The following ZCCHC7 variants were observed in gnomAD, a reference collection of about 807,000 sequenced individuals.
ZCCHC7 encodes the protein zinc finger CCHC domain-containing protein 7.
A neutral mutation model predicts 52.0 loss-of-function variants in ZCCHC7; 35 were observed. The observed-to-expected ratio is 0.67, with a 90% CI of 0.51 to 0.89. The LOEUF is 0.89. Ranked by LOEUF, ZCCHC7 falls within the 40% of genes least tolerant of loss-of-function variation. ZCCHC7 has a pLI of 0.00. For synonymous variants in ZCCHC7, 217 were observed against 221.5 expected (o/e 0.98, Z 0.18); for missense variants, 574 against 649.1 (o/e 0.88, Z 1.26).
chr9:37,347,227 TTA>T (rs1210479397), intron 6 of ZCCHC7, among the ~76,000 whole-genome samples: 2 of 152,182 alleles, frequency 1.3e-5, no homozygotes, highest in African/African-American at 4.8e-5. Flanking sequence ...TCCATCTCCA[TTA>T]TCTTTCCCAG....
intron 2 of ZCCHC7, among the ~76,000 whole-genome samples, chr9:37,252,668 G>A (rs1363685695): frequency 2.0e-5 from 3 of 152,232 alleles, no homozygotes; most frequent in African/African-American, 7.2e-5. Context: ...GCAAATTATT[G>A]TTTTAACTTA....
chr9:37,347,531 A>C lies in ZCCHC7; in HGVS notation c.988-1826A>C, dbSNP rs1034094757. Among the ~76,000 whole-genome samples, 50 of 152,244 alleles carry C rather than the reference A, an allele frequency of 3.3e-4. 1 individual carries two copies. Among genetic ancestry groups the C allele is most frequent in the Non-Finnish European group, 1.5e-5 (1 of 68,046 alleles). ...GTGCAAAAGAATAAATTAGTTATGT[A>C]ATACACACACAAGTTAACTATCGCC... On this transcript the variant is annotated intron_variant, in intron 6 of 8. Transcript: ENST00000336755.
chr9:37,228,023 C>T (rs879308604), intron 2 of ZCCHC7, among the ~76,000 whole-genome samples: 3 of 152,122 alleles, frequency 2.0e-5, no homozygotes, highest in Non-Finnish European at 4.4e-5. Context: ...TCTCAAATTC[C>T]TGGCCTCAAG....
At chr9:37,159,234 T>G (rs1483264075) in intron 2 of ZCCHC7, among the ~76,000 whole-genome samples, 2 of 152,224 alleles carry the variant, frequency 1.3e-5, no homozygotes, top group African/African-American at 4.8e-5. Context: ...AAATTCAGAA[T>G]TCAACTACAG....
chr9:37,280,807 C>T (rs1015526513), intron 2 of ZCCHC7, among the ~76,000 whole-genome samples: 2 of 151,914 alleles, frequency 1.3e-5, no homozygotes, highest in African/African-American at 4.8e-5. Flanking sequence ...CTTGCTTTGT[C>T]ACCCAGGTTG....
At chr9:37,237,055 A>G (rs1825686125) in intron 2 of ZCCHC7, among the ~76,000 whole-genome samples, 1 of 152,176 alleles carries the variant, frequency 6.6e-6, no homozygotes, top group Admixed American at 6.5e-5. Flanking sequence ...AAGTTCTCTA[A>G]CCAAAGGCAA....
chr9:37,288,219 G>A (rs1484544128), intron 2 of ZCCHC7, among the ~76,000 whole-genome samples: 1 of 150,926 alleles, frequency 6.6e-6, no homozygotes, highest in Non-Finnish European at 1.5e-5. Context: ...GGTTGAGCCT[G>A]CAATGAGGCA....
At chr9:37,276,363 A>G (rs1052964202) in intron 2 of ZCCHC7, among the ~76,000 whole-genome samples, 3 of 152,180 alleles carry the variant, frequency 2.0e-5, no homozygotes, top group African/African-American at 7.2e-5. Context: ...CTTGATGAAC[A>G]GAAGTACTTT....
chr9:37,298,973 C>T (rs74827703), intron 2 of ZCCHC7, among the ~76,000 whole-genome samples: 2,088 of 152,286 alleles, frequency 0.014, 51 homozygotes, highest in African/African-American at 0.048. Flanking sequence ...CCTCTAGCAC[C>T]TTGCTCATTT....
At chr9:37,294,718 C>G (rs1244112568) in intron 2 of ZCCHC7, among the ~76,000 whole-genome samples, 1 of 152,010 alleles carries the variant, frequency 6.6e-6, no homozygotes, top group East Asian at 1.9e-4. Flanking sequence ...TCCTTTTTTG[C>G]TTTTTCTTTT....
chr9:37,330,281 AT>A (rs1429321180), intron 6 of ZCCHC7, among the ~76,000 whole-genome samples: 2 of 151,692 alleles, frequency 1.3e-5, no homozygotes, highest in Admixed American at 1.3e-4. Context: ...AGTGTTCACT[AT>A]TTTCAACAAT....
chr9:37,278,036 G>GTGTTTTGTTTTGTTTTGTTTTT (rs1159152462), intron 2 of ZCCHC7, among the ~76,000 whole-genome samples: 1 of 97,728 alleles, frequency 1.0e-5, no homozygotes, highest in Admixed American at 9.7e-5. Context: ...GTGTGTGTGT[G>GTGTTTTGTTTTGTTTTGTTTTT]TTTTGTTTTG....
chr9:37,350,700 T>A (rs1240106934), intron 7 of ZCCHC7, among the ~76,000 whole-genome samples: 1 of 152,210 alleles, frequency 6.6e-6, no homozygotes, highest in Non-Finnish European at 1.5e-5. Flanking sequence ...ATGAGGCCAC[T>A]AGGCAGATGC....
chr9:37,181,671 A>G (rs1822362432), intron 2 of ZCCHC7, among the ~76,000 whole-genome samples: 1 of 152,238 alleles, frequency 6.6e-6, no homozygotes, highest in Admixed American at 6.5e-5. Context: ...GGGCAAATCC[A>G]TACAGACAGG....
intron 2 of ZCCHC7, among the ~76,000 whole-genome samples, chr9:37,162,815 GTCATC>G (rs753480864): frequency 6.6e-6 from 1 of 152,218 alleles, no homozygotes; most frequent in Non-Finnish European, 1.5e-5. Flanking sequence ...GCTCATGCCT[GTCATC>G]TCAACACTTT....
At chr9:37,264,060 A>G (rs1487576699) in intron 2 of ZCCHC7, among the ~76,000 whole-genome samples, 1 of 152,150 alleles carries the variant, frequency 6.6e-6, no homozygotes, top group Admixed American at 6.5e-5. Flanking sequence ...TCTTAAACTA[A>G]TACTATCTCT....
intron 2 of ZCCHC7, chr9:37,147,574 T>A (rs1843490260): frequency 6.6e-6 from 1 of 151,982 alleles, no homozygotes; most frequent in Non-Finnish European, 1.5e-5. Flanking sequence ...TTTCAGTCAG[T>A]CTGCTAGTTA....
intron 2 of ZCCHC7, among the ~76,000 whole-genome samples, chr9:37,170,076 T>A (rs894616105): frequency 6.6e-6 from 1 of 150,816 alleles, no homozygotes; most frequent in Admixed American, 6.6e-5. Flanking sequence ...AAAAAAAAAA[T>A]TAGAAAAAGA....
intron 2 of ZCCHC7, among the ~76,000 whole-genome samples, chr9:37,208,535 G>C (rs1824043419): frequency 6.6e-6 from 1 of 152,184 alleles, no homozygotes; most frequent in Non-Finnish European, 1.5e-5. Flanking sequence ...AATGAGAATA[G>C]GTAATGTGTA....
Sources: allele counts gnomAD v4.1 joint callset (sites outside exome capture counted in the v4.1 genomes callset), GRCh38; gene constraint gnomAD v4.1.1; transcripts MANE v1.5; gene names NCBI Gene and HGNC (gene_info 2026-07-23, HGNC 2026-07-21).